Variants in MAGI2 observed in about 807,000 individuals in gnomAD.
MAGI2 encodes membrane-associated guanylate kinase, WW and PDZ domain-containing protein 2.
In MAGI2, 35 loss-of-function variants were observed where a neutral mutation model predicts 133.3. That is an observed-to-expected ratio of 0.26 (90% CI 0.20 to 0.35). The LOEUF is 0.35. MAGI2 is among the 10% of genes least tolerant of loss of function. MAGI2 has a pLI of 1.00. For synonymous variants in MAGI2, 729 were observed against 710.6 expected, an observed-to-expected ratio of 1.03 and a Z score of -0.41; for missense variants, 1,636 against 1,863.4, an observed-to-expected ratio of 0.88 and a Z score of 2.25.
At chr7:78,859,572 C>G (rs1287967486) in intron 2 of MAGI2, among the ~76,000 whole-genome samples, 4 of 152,228 alleles carry the variant, frequency 2.6e-5, no homozygotes, top group African/African-American at 9.7e-5. Flanking sequence ...TTGGCCCCCA[C>G]TCTCTTCTGG....
chr7:78,745,343 G>A (rs996173576), intron 2 of MAGI2, among the ~76,000 whole-genome samples: 3 of 152,116 alleles, frequency 2.0e-5, no homozygotes, highest in African/African-American at 7.2e-5. Context: ...CCAGTGAAAA[G>A]ATTCAATGAG....
intron 1 of MAGI2, among the ~76,000 whole-genome samples, chr7:79,356,484 G>T (rs530483366): frequency 6.6e-6 from 1 of 152,064 alleles, no homozygotes; most frequent in Admixed American, 6.5e-5. Flanking sequence ...AGCAAAAAAA[G>T]TTTCCAAATG....
intron 2 of MAGI2, among the ~76,000 whole-genome samples, chr7:78,698,956 T>C (rs1320518924): frequency 6.6e-6 from 1 of 152,206 alleles, no homozygotes. Context: ...ACCATATCAC[T>C]GACAGTATAT....
intron 15 of MAGI2, among the ~76,000 whole-genome samples, chr7:78,165,027 C>G (rs1825486578): frequency 6.6e-6 from 1 of 152,188 alleles, no homozygotes; most frequent in Non-Finnish European, 1.5e-5. Context: ...TGTGCTATGA[C>G]TATTTGGTAA....
At chr7:78,382,005 C>T (rs1035944888) in intron 6 of MAGI2, among the ~76,000 whole-genome samples, 1 of 152,156 alleles carries the variant, frequency 6.6e-6, no homozygotes, top group Non-Finnish European at 1.5e-5. Flanking sequence ...TTATTCAATG[C>T]GTCATTATTT....
chr7:79,029,059 G>A (rs1313579757), intron 1 of MAGI2, among the ~76,000 whole-genome samples: 1 of 152,006 alleles, frequency 6.6e-6, no homozygotes. Flanking sequence ...AATTTTCTGA[G>A]GTAGCATTAC....
Position 79,188,422 on chromosome 7 carries a change from C to T in MAGI2, c.302-181216G>A, listed in dbSNP as rs766518831. Among the ~76,000 whole-genome samples, 7 of 151,800 alleles carry T rather than the reference C, an allele frequency of 4.6e-5. No individual in the cohort carries two copies. The South Asian group carries it at 1.5e-3, about 31-fold the overall frequency. On this transcript the variant is annotated intron_variant, in intron 1 of 21. Coordinates refer to ENST00000354212, the MANE Select transcript of MAGI2 (RefSeq NM_012301.4). ...TTAGTTTGCTGAGGATAATGGTTTC[C>T]AGCTCCATCCATGTCCCTGCAAAGG... is the stretch of plus-strand genomic sequence containing the variant.
At position 78,723,113 on chromosome 7, in the gene MAGI2, C is replaced by A. The variant is rs76830292; in HGVS notation, c.419-95874G>T. Among the ~76,000 whole-genome samples the A allele has an allele frequency of 5.5e-3, 835 of 152,196 alleles. 9 individuals are homozygous for A. The highest frequency in any genetic ancestry group is 0.019 in the African/African-American group (794 of 41,536). Reference sequence around the variant, plus strand: ...GCATTGCAGTGATCAAGGAAGCATCCATACTTAGAAACGCATGATTAATCT... The same window carrying A: ...GCATTGCAGTGATCAAGGAAGCATCAATACTTAGAAACGCATGATTAATCT... On this transcript the variant is annotated intron_variant, in intron 2 of 21. Transcript: ENST00000354212.
intron 2 of MAGI2, among the ~76,000 whole-genome samples, chr7:78,676,526 T>A (rs571082233): frequency 2.6e-5 from 4 of 152,250 alleles, no homozygotes; most frequent in Non-Finnish European, 4.4e-5. Flanking sequence ...GATGCTTTTT[T>A]AAAGTATATA....
At chr7:79,303,947 A>G (rs888283906) in intron 1 of MAGI2, among the ~76,000 whole-genome samples, 2 of 152,170 alleles carry the variant, frequency 1.3e-5, no homozygotes, top group Non-Finnish European at 2.9e-5. Flanking sequence ...ACATATATGT[A>G]TTTTTGTGTG....
chr7:78,648,498 C>CT (rs1584957204), intron 2 of MAGI2, among the ~76,000 whole-genome samples: 1 of 152,168 alleles, frequency 6.6e-6, no homozygotes, highest in African/African-American at 2.4e-5. Context: ...TTATCCAACA[C>CT]TTTTTTCTTC....
rs1398821544 is a variant in MAGI2, at chr7:78,109,235, C to T, written c.3567+16459G>A. 3.5e-5 allele frequency among the ~76,000 whole-genome samples: 4 copies of T among 115,752 alleles called. No homozygotes were observed. In the East Asian group the frequency reaches 9.2e-4, roughly 27 times the overall value. 75.9% of individuals were successfully genotyped at this position (115,752 alleles called of 152,430 possible). ...AGGAGAATGGCGCGAACCCAGGAGGCGGAGCTTGCAGTGAGCCGACATCGA... is the reference window on the plus strand; with the variant it reads ...AGGAGAATGGCGCGAACCCAGGAGGTGGAGCTTGCAGTGAGCCGACATCGA... On this transcript the variant is annotated intron_variant, in intron 20 of 21. Transcript: ENST00000354212.
chr7:78,533,389 T>C (rs565249442), intron 3 of MAGI2, among the ~76,000 whole-genome samples: 1 of 152,144 alleles, frequency 6.6e-6, no homozygotes, highest in East Asian at 1.9e-4. Flanking sequence ...AAGGAGGCAC[T>C]GGAAAAAGAT....
At chr7:79,332,915 T>C (rs1463500722) in intron 1 of MAGI2, among the ~76,000 whole-genome samples, 1 of 152,182 alleles carries the variant, frequency 6.6e-6, no homozygotes, top group East Asian at 1.9e-4. Flanking sequence ...TCTCAGTGTT[T>C]GATGCGCATA....
chr7:78,036,219 G>A (rs1810203031), intron 21 of MAGI2, among the ~76,000 whole-genome samples: 1 of 152,198 alleles, frequency 6.6e-6, no homozygotes, highest in Non-Finnish European at 1.5e-5. Flanking sequence ...GTGAGGCAGT[G>A]TAGATATAGA....
In MAGI2 at chr7:78,950,554, A is replaced by G. The variant is rs527684950; in HGVS notation, c.418+56536T>C. Among the ~76,000 whole-genome samples the G allele has an allele frequency of 2.0e-5, 3 of 152,246 alleles. No individual in the cohort carries two copies. The East Asian group carries it at 5.8e-4, about 29-fold the overall frequency. On this transcript the variant is annotated intron_variant, in intron 2 of 21. Transcript: ENST00000354212. ...ATATGCCGGTTTCTCACCATGGAAT[A>G]ATCTCCTCCCTTTTCTTTCTCTTGT...
intron 10 of MAGI2, chr7:78,254,250 C>G (rs898864246): frequency 5.9e-5 from 9 of 152,046 alleles, no homozygotes; most frequent in African/African-American, 2.2e-4. Context: ...TACCTTTTTT[C>G]TGCTATGTCA....
At chr7:78,305,828 G>A (rs1798207504) in intron 9 of MAGI2, among the ~76,000 whole-genome samples, 1 of 152,032 alleles carries the variant, frequency 6.6e-6, no homozygotes, top group Admixed American at 6.6e-5. Context: ...ATGAGCTTTA[G>A]TTTAAAACAT....
intron 7 of MAGI2, among the ~76,000 whole-genome samples, chr7:78,351,108 G>A (rs1463992291): frequency 1.3e-5 from 2 of 152,138 alleles, no homozygotes; most frequent in East Asian, 1.9e-4. Context: ...TCCAAGACAT[G>A]AGGTACATAG....
Sources: allele counts gnomAD v4.1 joint callset (sites outside exome capture counted in the v4.1 genomes callset), GRCh38; gene constraint gnomAD v4.1.1; transcripts MANE v1.5; gene names NCBI Gene and HGNC (gene_info 2026-07-23, HGNC 2026-07-21).